PPP1R14C: variants seen among roughly 807,000 people sequenced by gnomAD.
PPP1R14C encodes the protein protein phosphatase 1 regulatory subunit 14C.
Under a neutral mutation model 20.4 loss-of-function variants are expected in PPP1R14C, and 16 were observed. The observed-to-expected ratio is 0.78, with a 90% CI of 0.53 to 1.19. PPP1R14C has a LOEUF of 1.19. PPP1R14C is among the 50% of genes most tolerant of loss of function. The pLI, the probability that PPP1R14C is intolerant of heterozygous loss-of-function variation, is 0.00. For synonymous variants in PPP1R14C, 91 were observed against 91.0 expected, an observed-to-expected ratio of 1.00 and a Z score of 0.00; for missense variants, 211 against 220.1, an observed-to-expected ratio of 0.96 and a Z score of 0.26.
Position 150,178,934 on chromosome 6 carries a change from T to C in PPP1R14C, c.306+35436T>C, listed in dbSNP as rs574914212. On this transcript the variant is annotated intron_variant, in intron 1 of 3. Coordinates refer to ENST00000361131, the MANE Select transcript of PPP1R14C (RefSeq NM_030949.3). ...GATGCTGGAGGTGAAGGGAGCTCTC[T>C]AGGGAAAGTTTGATGGCTGCATTTT... Among the ~76,000 whole-genome samples the C allele has an allele frequency of 2.6e-5, 4 of 152,354 alleles. No homozygotes were observed. The East Asian group carries it at 7.7e-4, about 29-fold the overall frequency.
At chr6:150,150,936 C>G (rs919539434) in intron 1 of PPP1R14C, among the ~76,000 whole-genome samples, 2 of 152,120 alleles carry the variant, frequency 1.3e-5, no homozygotes, top group African/African-American at 4.8e-5. Flanking sequence ...CATGCCGCTC[C>G]GTCTTTCTCC....
chr6:150,193,936 T>C (rs1234002524), intron 1 of PPP1R14C, among the ~76,000 whole-genome samples: 1 of 152,096 alleles, frequency 6.6e-6, no homozygotes, highest in Non-Finnish European at 1.5e-5. Flanking sequence ...CTCCCATAAT[T>C]CCTGCGTGTT....
At chr6:150,245,347 A>T (rs192681611) in intron 3 of PPP1R14C, among the ~76,000 whole-genome samples, 225 of 152,308 alleles carry the variant, frequency 1.5e-3, no homozygotes, top group Non-Finnish European at 2.4e-3. Flanking sequence ...CCAAAGCCAT[A>T]AATCAGATGC....
intron 1 of PPP1R14C, among the ~76,000 whole-genome samples, chr6:150,178,363 C>T (rs1328691690): frequency 2.0e-5 from 3 of 152,204 alleles, no homozygotes; most frequent in Admixed American, 6.5e-5. Flanking sequence ...GGACAGTGGA[C>T]GCTGGCTCTG....
Position 150,168,004 on chromosome 6 carries a change from TG to T in PPP1R14C, c.306+24507del, listed in dbSNP as rs1777449200. On this transcript the variant is annotated intron_variant, in intron 1 of 3. Transcript: ENST00000361131. ...TCTCCTCCCCTCTTCCTCTCCCCCT[TG>T]CTTTCCTCCCACCCTTTCTGCGGCC... Among the ~76,000 whole-genome samples the T allele has an allele frequency of 8.3e-3, 16 of 1,918 alleles. 3 individuals carry two copies. Among genetic ancestry groups the T allele is most frequent in the African/African-American group, 0.026 (15 of 576 alleles). 1.3% of individuals were successfully genotyped at this position (1,918 alleles called of 152,430 possible). A position where few individuals can be genotyped will look rare whatever the true frequency, so the allele number is the denominator to read the frequency against.
chr6:150,232,626 T>C (rs574957611), intron 3 of PPP1R14C, among the ~76,000 whole-genome samples: 2 of 152,324 alleles, frequency 1.3e-5, no homozygotes, highest in African/African-American at 2.4e-5. Context: ...GATCTAATTA[T>C]GTTTTGGCCT....
intron 1 of PPP1R14C, among the ~76,000 whole-genome samples, chr6:150,198,759 C>T (rs2114895091): frequency 6.6e-6 from 1 of 152,326 alleles, no homozygotes; most frequent in African/African-American, 2.4e-5. Flanking sequence ...TTGGCTTCCA[C>T]AGCCAGGGAA....
chr6:150,218,247 C>G (rs2114913546), intron 3 of PPP1R14C, among the ~76,000 whole-genome samples: 1 of 151,936 alleles, frequency 6.6e-6, no homozygotes, highest in East Asian at 1.9e-4. Flanking sequence ...ACTAAAAATA[C>G]AAAAAATTAG....
chr6:150,143,052 C>A lies in PPP1R14C; in HGVS notation c.-141C>A. The A allele has an allele frequency of 9.3e-7, 1 of 1,070,202 alleles. No individual in the cohort carries two copies. The highest frequency in any genetic ancestry group is 4.5e-5 in the South Asian group (1 of 22,098). The allele number at this position is 1,070,202 out of a possible 1,614,324, so 66.3% of individuals were successfully genotyped here. ...GCTCCTCCCGCCCTCCCAGAGCAGCCGGGCGGCTGGGCGCGCGCGGCGCAG... is the reference window on the plus strand; with the variant it reads ...GCTCCTCCCGCCCTCCCAGAGCAGCAGGGCGGCTGGGCGCGCGCGGCGCAG... On this transcript the variant is annotated 5_prime_UTR_variant, in exon 1 of 4. Coordinates refer to ENST00000361131, the MANE Select transcript of PPP1R14C (RefSeq NM_030949.3). The surrounding 1 kb of genome is among the most constrained non-coding windows in gnomAD (Gnocchi z 5.6).
chr6:150,161,003 G>T (rs926553066), intron 1 of PPP1R14C, among the ~76,000 whole-genome samples: 2 of 152,122 alleles, frequency 1.3e-5, no homozygotes, highest in African/African-American at 2.4e-5. Flanking sequence ...GATATGGCCG[G>T]GTGCGGTGGC....
At chr6:150,235,172 C>T (rs1370751684) in intron 3 of PPP1R14C, among the ~76,000 whole-genome samples, 2 of 152,168 alleles carry the variant, frequency 1.3e-5, no homozygotes, top group South Asian at 2.1e-4. Context: ...ACTGCAGCCT[C>T]GAAATCCTTG....
chr6:150,182,059 G>A (rs1777628126), intron 1 of PPP1R14C, among the ~76,000 whole-genome samples: 2 of 152,264 alleles, frequency 1.3e-5, no homozygotes, highest in South Asian at 4.2e-4. Flanking sequence ...TGTGTGTAAA[G>A]GATATTTAAA....
At chr6:150,173,384 A>C (rs1777520374) in intron 1 of PPP1R14C, among the ~76,000 whole-genome samples, 1 of 147,776 alleles carries the variant, frequency 6.8e-6, no homozygotes. Context: ...AGCCTTTTCC[A>C]CTCATGTGGA....
chr6:150,200,575 C>G (rs1777864911), intron 1 of PPP1R14C, among the ~76,000 whole-genome samples: 1 of 152,164 alleles, frequency 6.6e-6, no homozygotes, highest in African/African-American at 2.4e-5. Context: ...TGGCCCTGCC[C>G]CTGGCTCTCT....
At chr6:150,165,682 CT>C (rs1306344204) in intron 1 of PPP1R14C, among the ~76,000 whole-genome samples, 1 of 152,072 alleles carries the variant, frequency 6.6e-6, no homozygotes, top group Non-Finnish European at 1.5e-5. Context: ...GAGAATTTTC[CT>C]CTATTTTGAG....
chr6:150,189,144 C>G (rs1333697901), intron 1 of PPP1R14C, among the ~76,000 whole-genome samples: 1 of 152,192 alleles, frequency 6.6e-6, no homozygotes, highest in African/African-American at 2.4e-5. Context: ...CAGGTGTGAG[C>G]CACCGCACCT....
intron 1 of PPP1R14C, among the ~76,000 whole-genome samples, chr6:150,156,818 A>G (rs984612254): frequency 6.6e-6 from 1 of 152,222 alleles, no homozygotes; most frequent in African/African-American, 2.4e-5. Context: ...AAGATATTCC[A>G]TTTCTTCTTC....
At chr6:150,157,603 T>A (rs1582896343) in intron 1 of PPP1R14C, among the ~76,000 whole-genome samples, 1 of 151,040 alleles carries the variant, frequency 6.6e-6, no homozygotes, top group African/African-American at 2.5e-5. Context: ...GGCTGGGGAG[T>A]CCCAGAAGCA....
intron 1 of PPP1R14C, among the ~76,000 whole-genome samples, chr6:150,159,116 C>G (rs1221179769): frequency 6.6e-6 from 1 of 152,230 alleles, no homozygotes; most frequent in African/African-American, 2.4e-5. Context: ...CAACTTCCTT[C>G]TGGAGCCCAG....
Sources: allele counts gnomAD v4.1 joint callset (sites outside exome capture counted in the v4.1 genomes callset), GRCh38; gene constraint gnomAD v4.1.1; non-coding constraint Gnocchi (gnomAD v3.1); transcripts MANE v1.5; gene names NCBI Gene and HGNC (gene_info 2026-07-23, HGNC 2026-07-21).